Variants in PRKN observed in about 807,000 individuals in gnomAD.
PRKN encodes parkin RBR E3 ubiquitin protein ligase.
A neutral mutation model predicts 59.5 loss-of-function variants in PRKN; 56 were observed. The observed-to-expected ratio is 0.94, with a 90% CI of 0.76 to 1.18. PRKN has a LOEUF of 1.18. Ranked by LOEUF, PRKN falls within the 50% of genes most tolerant of loss-of-function variation. The probability of loss-of-function intolerance (pLI) is 0.00; values close to 1 mark genes in which losing one functional copy is unlikely to be tolerated. For missense variants in PRKN, 657 were observed against 596.4 expected (o/e 1.10, Z -1.06); for synonymous variants, 250 against 222.1 (o/e 1.13, Z -1.12).
At chr6:161,368,813 C>T (rs1785327408) in intron 10 of PRKN, among the ~76,000 whole-genome samples, 1 of 152,156 alleles carries the variant, frequency 6.6e-6, no homozygotes, top group Non-Finnish European at 1.5e-5. Flanking sequence ...CACCAGGAGG[C>T]CACGGCTGCC....
chr6:161,362,307 G>T lies in PRKN; in HGVS notation c.1168-2102C>A, dbSNP rs374859792. On this transcript the variant is annotated intron_variant, in intron 10 of 11. Transcript: ENST00000366898. This position sits in a 1 kb window ranked among gnomAD's most constrained non-coding sequence, Gnocchi z 5.2. ...ACCCTTAAAGACAGCAAATCCTCCT[G>T]GTTCGGGAGGAAGGAACCTGGCATT... is the stretch of plus-strand genomic sequence containing the variant. 1.3e-5 allele frequency among the ~76,000 whole-genome samples: 2 copies of T among 152,186 alleles called. No individual in the cohort carries two copies. The highest frequency in any genetic ancestry group is 4.1e-4 in the South Asian group (2 of 4,832).
chr6:162,523,500 A>G (rs529538861), intron 1 of PRKN, among the ~76,000 whole-genome samples: 3 of 152,036 alleles, frequency 2.0e-5, no homozygotes, highest in Non-Finnish European at 4.4e-5. Flanking sequence ...CTCCGTCTCT[A>G]CTAAAAATAC....
intron 11 of PRKN, among the ~76,000 whole-genome samples, chr6:161,351,187 T>G (rs1271661036): frequency 7.2e-6 from 1 of 138,724 alleles, no homozygotes; most frequent in Non-Finnish European, 1.5e-5. Context: ...ATTGATAAAA[T>G]TTGATGATAT....
chr6:162,199,658 G>A lies in PRKN; in HGVS notation c.534+1473C>T, dbSNP rs76769035. ...CAGCATGCTGCCCGGCAGGAGAGCT[G>A]CCCAAGAACTGTCCCAGAAAGAGCC... On this transcript the variant is annotated intron_variant, in intron 4 of 11. Transcript: ENST00000366898. 7.1e-3 allele frequency among the ~76,000 whole-genome samples: 1,077 copies of A among 152,258 alleles called. 11 individuals carry two copies. Among genetic ancestry groups the A allele is most frequent in the African/African-American group, 0.025 (1,026 of 41,540 alleles).
chr6:161,740,304 G>A (rs1199667746), intron 7 of PRKN, among the ~76,000 whole-genome samples: 1 of 152,262 alleles, frequency 6.6e-6, no homozygotes, highest in South Asian at 2.1e-4. Context: ...TGAACCTAAG[G>A]ATGTTATTGT....
At chr6:161,764,948 C>T (rs1183341963) in intron 7 of PRKN, among the ~76,000 whole-genome samples, 1 of 152,204 alleles carries the variant, frequency 6.6e-6, no homozygotes, top group African/African-American at 2.4e-5. Context: ...TGAGCTCTGA[C>T]AAATATGCCT....
chr6:161,509,808 A>G (rs183997895), intron 9 of PRKN, among the ~76,000 whole-genome samples: 12,041 of 137,198 alleles, frequency 0.088, 715 homozygotes, highest in African/African-American at 0.18. Flanking sequence ...TGAACCCAGG[A>G]GGCAGAGGTT....
chr6:162,171,363 G>A (rs982358405), intron 4 of PRKN, among the ~76,000 whole-genome samples: 9 of 152,194 alleles, frequency 5.9e-5, no homozygotes, highest in African/African-American at 2.2e-4. Flanking sequence ...TCTGTAAGAT[G>A]TAAGAGTGTG....
At chr6:162,597,663 T>C (rs944473102) in intron 1 of PRKN, among the ~76,000 whole-genome samples, 2 of 152,204 alleles carry the variant, frequency 1.3e-5, no homozygotes, top group African/African-American at 2.4e-5. Context: ...TGATTCTTAC[T>C]CCCAACAGAC....
intron 4 of PRKN, among the ~76,000 whole-genome samples, chr6:162,153,813 T>C (rs761475039): frequency 6.6e-6 from 1 of 151,980 alleles, no homozygotes; most frequent in Non-Finnish European, 1.5e-5. Context: ...AATTCACCTC[T>C]CCCCAATGTC....
intron 7 of PRKN, among the ~76,000 whole-genome samples, chr6:161,706,651 C>T (rs941056962): frequency 3.9e-5 from 6 of 152,044 alleles, no homozygotes; most frequent in African/African-American, 9.7e-5. Flanking sequence ...GGCGCAATCT[C>T]GGTTGAAGCA....
At chr6:162,059,582 G>C (rs1308875470) in intron 4 of PRKN, among the ~76,000 whole-genome samples, 1 of 152,156 alleles carries the variant, frequency 6.6e-6, no homozygotes, top group African/African-American at 2.4e-5. Flanking sequence ...AAAAAGGACT[G>C]CAAAAATGCA....
intron 4 of PRKN, among the ~76,000 whole-genome samples, chr6:162,096,512 C>A (rs1779737981): frequency 6.6e-6 from 1 of 152,134 alleles, no homozygotes; most frequent in Non-Finnish European, 1.5e-5. Flanking sequence ...AAATCTCATC[C>A]TGAATTGTAG....
intron 1 of PRKN, among the ~76,000 whole-genome samples, chr6:162,572,126 G>C (rs1395993958): frequency 6.6e-6 from 1 of 152,036 alleles, no homozygotes; most frequent in Non-Finnish European, 1.5e-5. Flanking sequence ...CCCCCTTTAG[G>C]TACTGTCTCA....
At position 161,386,746 on chromosome 6, in the gene PRKN, C is replaced by G. The variant is rs548103938; in HGVS notation, c.1167+48G>C. ...CCTCCAGGAAACGGCTCCAGTCCCC[C>G]ACTGTATCCGGAGCCCTGCTTGGAG... is the stretch of plus-strand genomic sequence containing the variant. On this transcript the variant is annotated intron_variant, in intron 10 of 11. Transcript: ENST00000366898. The surrounding 1 kb of genome is among the most constrained non-coding windows in gnomAD (Gnocchi z 4.3). 5 of 1,398,150 alleles carry G rather than the reference C, an allele frequency of 3.6e-6. No homozygotes were observed. The highest frequency in any genetic ancestry group is 3.3e-5 in the Admixed American group (2 of 59,736). The allele number at this position is 1,398,150 out of a possible 1,614,324, so 86.6% of individuals were successfully genotyped here. A position where few individuals can be genotyped will look rare whatever the true frequency, so the allele number is the denominator to read the frequency against.
intron 7 of PRKN, among the ~76,000 whole-genome samples, chr6:161,634,641 C>G (rs976195940): frequency 3.3e-5 from 5 of 152,078 alleles, no homozygotes; most frequent in African/African-American, 1.2e-4. Flanking sequence ...GAGGTGGGCT[C>G]GCCATCCTTT....
At chr6:162,140,787 C>G (rs927430899) in intron 4 of PRKN, among the ~76,000 whole-genome samples, 2 of 152,074 alleles carry the variant, frequency 1.3e-5, no homozygotes, top group Non-Finnish European at 2.9e-5. Flanking sequence ...GAAACAAGAG[C>G]CTACATTATA....
chr6:161,419,835 C>A lies in PRKN; in HGVS notation c.1084-32958G>T, dbSNP rs893599853. Reference sequence around the variant, plus strand: ...CATCTCTGAATTTCCATTTATTTCACTGTGAAAGGGGGAAATTGGTACCTA... The same window carrying A: ...CATCTCTGAATTTCCATTTATTTCAATGTGAAAGGGGGAAATTGGTACCTA... On this transcript the variant is annotated intron_variant, in intron 9 of 11. Coordinates refer to ENST00000366898, the MANE Select transcript of PRKN (RefSeq NM_004562.3). This position sits in a 1 kb window ranked among gnomAD's most constrained non-coding sequence, Gnocchi z 4.1. 8.5e-5 allele frequency among the ~76,000 whole-genome samples: 13 copies of A among 152,064 alleles called. No homozygotes were observed. The highest frequency in any genetic ancestry group is 1.5e-4 in the Non-Finnish European group (10 of 68,034).
chr6:161,679,851 T>G (rs1369850908), intron 7 of PRKN, among the ~76,000 whole-genome samples: 1 of 143,494 alleles, frequency 7.0e-6, no homozygotes, highest in Non-Finnish European at 1.5e-5. Flanking sequence ...GCCTCCTGGG[T>G]TAACACCATT....
Sources: gnomAD v4.1 joint callset for allele counts (sites outside exome capture counted in the v4.1 genomes callset) on GRCh38, gnomAD v4.1.1 for gene constraint, Gnocchi (gnomAD v3.1) non-coding constraint, MANE v1.5 for transcripts, NCBI Gene and HGNC (gene_info 2026-07-23, HGNC 2026-07-21) for gene names.